DNAH14: variants seen among roughly 807,000 people sequenced by gnomAD.
The protein encoded by DNAH14 is dynein axonemal heavy chain 14, also known as axonemal beta dynein heavy chain 14.
DNAH14 carries 478 observed loss-of-function variants against 520.9 expected under a neutral mutation model. The ratio of observed to expected loss-of-function variants is 0.92; its 90% CI spans 0.85 to 0.99. The LOEUF is 0.99. Among genes scored for constraint, DNAH14 ranks in the 50% least tolerant of loss-of-function variants. The pLI, the probability that DNAH14 is intolerant of heterozygous loss-of-function variation, is 0.00. For missense variants in DNAH14, 4,831 were observed against 5,234.5 expected, an observed-to-expected ratio of 0.92 and a Z score of 2.38; for synonymous variants, 1,581 against 1,757.2, an observed-to-expected ratio of 0.90 and a Z score of 2.51.
At chr1:225,169,940 C>T (rs1185775160) in intron 36 of DNAH14, among the ~76,000 whole-genome samples, 1 of 152,146 alleles carries the variant, frequency 6.6e-6, no homozygotes, top group Non-Finnish European at 1.5e-5. Flanking sequence ...ACTCTACAAG[C>T]CAGAAGAGAG....
chr1:225,080,409 A>G lies in DNAH14; in HGVS notation c.2797A>G (p.Thr933Ala). Residue 933 changes from threonine (T) to alanine (A), a missense_variant, in exon 19 of 86, where the codon ACT (threonine) becomes GCT (alanine). Coordinates refer to ENST00000682510, the MANE Select transcript of DNAH14 (RefSeq NM_001367479.1). ...IRTPLLLCAG[T>A]QVSTAMEMIQ... The stretch of plus-strand genomic sequence containing the variant: ...AACTCCTCTTCTGTTATGTGCTGGT[A>G]CTCAAGTGTCAACAGCAATGGAAAT... 1 of 1,547,904 alleles carries G rather than the reference A, an allele frequency of 6.5e-7. No homozygotes were observed.
intron 35 of DNAH14, among the ~76,000 whole-genome samples, chr1:225,165,949 T>G (rs2082003728): frequency 6.6e-6 from 1 of 152,172 alleles, no homozygotes; most frequent in Non-Finnish European, 1.5e-5. Context: ...CTGTGAGATT[T>G]TCAGAAGTAC....
intron 55 of DNAH14, among the ~76,000 whole-genome samples, chr1:225,297,750 A>C (rs1212195609): frequency 1.3e-5 from 2 of 152,230 alleles, no homozygotes; most frequent in Non-Finnish European, 2.9e-5. Context: ...GGGCATGTGC[A>C]TGCATGCAGT....
intron 3 of DNAH14, among the ~76,000 whole-genome samples, chr1:224,957,947 G>GA (rs1004519414): frequency 3.9e-5 from 6 of 151,980 alleles, no homozygotes; most frequent in African/African-American, 1.4e-4. Context: ...ATATGCAAAA[G>GA]AAAAAAGGAG....
chr1:225,395,301 C>A (rs115219316), intron 84 of DNAH14, among the ~76,000 whole-genome samples: 2,463 of 152,038 alleles, frequency 0.016, 74 homozygotes, highest in African/African-American at 0.056. Context: ...TGATATTATT[C>A]TGTAGGATTA....
At chr1:225,252,682 T>C (rs1322011236) in intron 44 of DNAH14, among the ~76,000 whole-genome samples, 1 of 152,148 alleles carries the variant, frequency 6.6e-6, no homozygotes, top group African/African-American at 2.4e-5. Context: ...ATTGAAAGTC[T>C]TCCTAAGAGC....
intron 1 of DNAH14, among the ~76,000 whole-genome samples, chr1:224,933,930 C>T (rs575983887): frequency 2.0e-5 from 3 of 151,634 alleles, no homozygotes; most frequent in South Asian, 4.2e-4. Flanking sequence ...ATATCACTAA[C>T]GTTGTTTACA....
intron 54 of DNAH14, among the ~76,000 whole-genome samples, chr1:225,281,625 A>C (rs2093628519): frequency 6.6e-6 from 1 of 152,178 alleles, no homozygotes; most frequent in Non-Finnish European, 1.5e-5. Context: ...TAACTACTTT[A>C]AAAGATAATC....
intron 72 of DNAH14, among the ~76,000 whole-genome samples, chr1:225,353,589 C>T (rs1380006031): frequency 6.6e-6 from 1 of 151,940 alleles, no homozygotes; most frequent in Non-Finnish European, 1.5e-5. Context: ...CAAGTTGAAA[C>T]TTAAATCTAT....
At chr1:225,353,683 G>A in intron 72 of DNAH14, 120 bp from the exon 73 acceptor site, 1 of 639,540 alleles carries the variant, frequency 1.6e-6, no homozygotes, top group Non-Finnish European at 2.8e-6. Context: ...TTAAAAGTCA[G>A]CCATGTTTAG....
At chr1:225,141,661 C>G (rs1330050088) in intron 28 of DNAH14, among the ~76,000 whole-genome samples, 1 of 152,090 alleles carries the variant, frequency 6.6e-6, no homozygotes, top group Non-Finnish European at 1.5e-5. Context: ...TCCATCTAGA[C>G]AGAGGGCAGT....
Position 225,351,810 on chromosome 1 carries a change from T to G in DNAH14, c.11460T>G (p.Val3820=). The G allele has an allele frequency of 6.4e-7, 1 of 1,551,342 alleles. No individual in the cohort carries two copies. The change falls in exon 72 of 86, where the codon GTT becomes GTG. Residue 3820 remains valine, a synonymous_variant. Transcript: ENST00000682510. ...QWDTFKNSKA[V]YSLISTPFSS... ...ATACTTTTAAGAACAGTAAAGCAGT[T>G]TATTCTCTGATCAGCACACCTTTCT... is the stretch of plus-strand genomic sequence containing the variant.
At position 225,331,525 on chromosome 1, in the gene DNAH14, G is replaced by A; in HGVS notation, c.9812G>A (p.Ser3271Asn). ...TTAGCAAATCGGAAAACAATGGCCA[G>A]CAGGCGCTTTCAGTGTGCGTCAGTC... ...QLLANRKTMA[S>N]RRFQCASVLL... is the part of the protein sequence containing the mutation. The change falls in exon 65 of 86, where the codon AGC becomes AAC. Residue 3271 changes from serine (S) to asparagine (N), a missense_variant. Ser to Asn is a conservative substitution (Grantham distance 46, BLOSUM62 1). Coordinates refer to ENST00000682510, the MANE Select transcript of DNAH14 (RefSeq NM_001367479.1). 1.9e-6 allele frequency: 3 copies of A among 1,551,466 alleles called. No individual in the cohort carries two copies. Among genetic ancestry groups the A allele is most frequent in the Non-Finnish European group, 2.6e-6 (3 of 1,146,852 alleles).
At chr1:225,264,962 G>A (rs913994614) in intron 47 of DNAH14, among the ~76,000 whole-genome samples, 18 of 152,150 alleles carry the variant, frequency 1.2e-4, no homozygotes, top group African/African-American at 4.1e-4. Context: ...ATGTATGGAG[G>A]ACTCTTTGAG....
chr1:225,351,487 C>CT (rs1421515480), intron 71 of DNAH14, among the ~76,000 whole-genome samples, 160 bp from the exon 72 acceptor site: 2 of 151,908 alleles, frequency 1.3e-5, no homozygotes, highest in East Asian at 3.9e-4. Flanking sequence ...TATAAAGTAG[C>CT]TTTTTATATT....
intron 54 of DNAH14, 149 bp downstream of exon 54, chr1:225,277,651 G>T: frequency 2.8e-6 from 1 of 360,068 alleles, no homozygotes; most frequent in Non-Finnish European, 5.7e-6. Flanking sequence ...TGTCCTCTCT[G>T]CAGTTTGCAT....
chr1:225,057,739 G>A (rs1358327131), intron 17 of DNAH14, among the ~76,000 whole-genome samples: 2 of 152,130 alleles, frequency 1.3e-5, no homozygotes, highest in African/African-American at 2.4e-5. Context: ...TTAGCATGAA[G>A]GGTTGTTGAA....
Position 225,381,489 on chromosome 1 carries a change from G to A in DNAH14, c.12987G>A (p.Gln4329=), listed in dbSNP as rs1385144932. The change falls in exon 81 of 86, where the codon CAG becomes CAA. Residue 4329 remains glutamine (Q), a synonymous_variant. Transcript: ENST00000682510. Reference sequence around the variant, plus strand: ...TACATAAATCCTTAAAAGATCTTCAGCTTGCTATAAAAGGAGAGATCATCC... The same window carrying A: ...TACATAAATCCTTAAAAGATCTTCAACTTGCTATAAAAGGAGAGATCATCC... ...FVIHKSLKDL[Q]LAIKGEIILT... is the part of the protein sequence containing the mutation. 1.3e-6 allele frequency: 2 copies of A among 1,549,546 alleles called. No homozygotes were observed. The highest frequency in any genetic ancestry group is 1.7e-6 in the Non-Finnish European group (2 of 1,146,414).
At chr1:224,958,182 G>A (rs1293524017) in intron 3 of DNAH14, among the ~76,000 whole-genome samples, 3 of 152,086 alleles carry the variant, frequency 2.0e-5, no homozygotes, top group African/African-American at 7.2e-5. Context: ...ATCATTTAGA[G>A]GAGAGAGACT....
Sources: gnomAD v4.1 joint callset for allele counts (sites outside exome capture counted in the v4.1 genomes callset) on GRCh38, gnomAD v4.1.1 for gene constraint, MANE v1.5 for transcripts, NCBI Gene and HGNC (gene_info 2026-07-23, HGNC 2026-07-21) for gene names.